HNRNPC: variants seen among roughly 807,000 people sequenced by gnomAD.
HNRNPC encodes the protein heterogeneous nuclear ribonucleoprotein C, also known as heterogeneous nuclear ribonucleoproteins C1/C2.
Under a neutral mutation model 33.2 loss-of-function variants are expected in HNRNPC, and 3 were observed. That is an observed-to-expected ratio of 0.09 (90% CI 0.04 to 0.23). The LOEUF is 0.23. Among genes scored for constraint, HNRNPC ranks in the 10% least tolerant of loss-of-function variants. HNRNPC has a pLI of 1.00. For synonymous variants in HNRNPC, 121 were observed against 126.7 expected (o/e 0.96, Z 0.30); for missense variants, 143 against 366.7 (o/e 0.39, Z 4.98).
intron 5 of HNRNPC, among the ~76,000 whole-genome samples, chr14:21,224,558 ACAT>A (rs2139572939): frequency 6.6e-6 from 1 of 152,220 alleles, no homozygotes; most frequent in Admixed American, 6.5e-5. Context: ...CCAACCAATC[ACAT>A]CAAGACCAAT....
intron 3 of HNRNPC, among the ~76,000 whole-genome samples, chr14:21,233,179 T>C (rs1383163066): frequency 1.3e-5 from 2 of 152,194 alleles, no homozygotes; most frequent in Admixed American, 1.3e-4. Flanking sequence ...AGAATTAAAT[T>C]TCTGAAAAAG....
chr14:21,255,672 A>G (rs1392379758), intron 2 of HNRNPC, among the ~76,000 whole-genome samples: 2 of 152,276 alleles, frequency 1.3e-5, no homozygotes, highest in Non-Finnish European at 2.9e-5. Flanking sequence ...TGATCATTAT[A>G]ATAGTCTTAA....
chr14:21,215,231 C>T (rs907715056), intron 5 of HNRNPC, among the ~76,000 whole-genome samples: 1 of 152,160 alleles, frequency 6.6e-6, no homozygotes, highest in African/African-American at 2.4e-5. Flanking sequence ...TCATTCACAT[C>T]TGAGGAAGTA....
At chr14:21,213,574 G>A (rs888119245) in intron 5 of HNRNPC, among the ~76,000 whole-genome samples, 6 of 152,170 alleles carry the variant, frequency 3.9e-5, no homozygotes, top group Admixed American at 3.3e-4. Context: ...TGGCATTAGC[G>A]AAATCTCTGA....
At chr14:21,257,449 G>A (rs1877420652) in intron 2 of HNRNPC, among the ~76,000 whole-genome samples, 1 of 152,066 alleles carries the variant, frequency 6.6e-6, no homozygotes, top group Non-Finnish European at 1.5e-5. Context: ...CAAGTGAGAT[G>A]AGGATTGAAA....
At chr14:21,230,471 A>T (rs1893986310) in intron 4 of HNRNPC, 105 bp from the exon 5 acceptor site, 2 of 766,720 alleles carry the variant, frequency 2.6e-6, no homozygotes, top group East Asian at 2.7e-5. Flanking sequence ...AAATAGATCA[A>T]CAAGATTAGC....
intron 5 of HNRNPC, among the ~76,000 whole-genome samples, chr14:21,220,253 T>C (rs982234631): frequency 2.6e-4 from 40 of 151,666 alleles, no homozygotes; most frequent in African/African-American, 9.0e-4. Flanking sequence ...TTTTTTTTTT[T>C]GGAGACAGAG....
intron 5 of HNRNPC, among the ~76,000 whole-genome samples, chr14:21,227,517 A>T (rs1893610076): frequency 6.6e-6 from 1 of 152,226 alleles, no homozygotes; most frequent in South Asian, 2.1e-4. Flanking sequence ...TGCAAAAATA[A>T]TTGCGGTTTT....
At chr14:21,263,067 C>T (rs1218780269) in intron 2 of HNRNPC, 1 of 151,922 alleles carries the variant, frequency 6.6e-6, no homozygotes, top group Non-Finnish European at 1.5e-5. Context: ...AATACTAATG[C>T]CTTCGCTTTC....
intron 2 of HNRNPC, among the ~76,000 whole-genome samples, chr14:21,254,052 T>G (rs1355438034): frequency 2.8e-5 from 4 of 145,276 alleles, no homozygotes; most frequent in African/African-American, 1.0e-4. Context: ...TAGAGTGAGA[T>G]TCCGTCTCAA....
chr14:21,211,329 G>A, intron 8 of HNRNPC, 23 bp from the exon 9 acceptor site: 1 of 1,613,566 alleles, frequency 6.2e-7, no homozygotes, highest in Non-Finnish European at 8.5e-7. Context: ...GACACAAACA[G>A]GATGGAGTTA....
intron 5 of HNRNPC, among the ~76,000 whole-genome samples, chr14:21,220,887 C>T (rs1041876207): frequency 6.6e-6 from 1 of 150,854 alleles, no homozygotes; most frequent in African/African-American, 2.4e-5. Context: ...AGCAGTTTGA[C>T]ACCAGCCTGG....
intron 5 of HNRNPC, among the ~76,000 whole-genome samples, chr14:21,224,052 A>G (rs1354570192): frequency 6.6e-6 from 1 of 152,076 alleles, no homozygotes; most frequent in East Asian, 1.9e-4. Flanking sequence ...AACTTCAAAT[A>G]ACCTAAGTAT....
intron 1 of HNRNPC, chr14:21,264,293 A>T (rs1385528496): frequency 2.6e-5 from 4 of 152,204 alleles, no homozygotes; most frequent in Non-Finnish European, 5.9e-5. Flanking sequence ...TCTATACTAG[A>T]GATGACTCAT....
intron 5 of HNRNPC, among the ~76,000 whole-genome samples, chr14:21,226,898 G>GAA (rs751786293): frequency 0.019 from 1,460 of 78,676 alleles, 41 homozygotes; most frequent in African/African-American, 0.074. Flanking sequence ...AAAAAAAAGG[G>GAA]GGGGGGGGGA....
At chr14:21,229,085 TAAAAAAAAA>T (rs56112804) in intron 5 of HNRNPC, among the ~76,000 whole-genome samples, 2 of 107,868 alleles carry the variant, frequency 1.9e-5, no homozygotes, top group African/African-American at 7.1e-5. Context: ...ATTCCGTATT[TAAAAAAAAA>T]AAAAAAAAAA....
intron 5 of HNRNPC, among the ~76,000 whole-genome samples, chr14:21,218,111 C>T (rs570662798): frequency 2.5e-4 from 38 of 152,172 alleles, no homozygotes; most frequent in South Asian, 8.3e-4. Context: ...TACAGGTACA[C>T]GATACCAAGC....
At chr14:21,237,213 CA>C (rs1894794658) in intron 2 of HNRNPC, among the ~76,000 whole-genome samples, 1 of 152,184 alleles carries the variant, frequency 6.6e-6, no homozygotes, top group Non-Finnish European at 1.5e-5. Flanking sequence ...TTCCTCTCAC[CA>C]AAAGGTAACA....
chr14:21,215,096 G>T (rs185579191), intron 5 of HNRNPC, among the ~76,000 whole-genome samples: 30 of 152,264 alleles, frequency 2.0e-4, no homozygotes, highest in Admixed American at 1.1e-3. Flanking sequence ...TTGAATCTAT[G>T]TAACAGTCTC....
Sources: gnomAD v4.1 joint callset for allele counts (sites outside exome capture counted in the v4.1 genomes callset) on GRCh38, gnomAD v4.1.1 for gene constraint, MANE v1.5 for transcripts, NCBI Gene and HGNC (gene_info 2026-07-23, HGNC 2026-07-21) for gene names.